The following HECW2 variants were observed in gnomAD, a reference collection of about 807,000 sequenced individuals.
HECW2 encodes E3 ubiquitin-protein ligase HECW2.
In HECW2, 61 loss-of-function variants were observed where a neutral mutation model predicts 175.2. The ratio of observed to expected loss-of-function variants is 0.35; its 90% CI spans 0.28 to 0.43. The LOEUF (loss-of-function observed/expected upper bound fraction) is 0.43, where lower values mean the gene tolerates loss of function less well. Among genes scored for constraint, HECW2 ranks in the 20% least tolerant of loss-of-function variants. HECW2 has a pLI of 1.00. For missense variants in HECW2, 1,524 were observed against 2,000.5 expected, an observed-to-expected ratio of 0.76 and a Z score of 4.54; for synonymous variants, 671 against 731.0, an observed-to-expected ratio of 0.92 and a Z score of 1.32.
In HECW2 at chr2:196,393,540, GAC is replaced by G. The variant is rs1694574208; in HGVS notation, c.292+39590_292+39591del. Among the ~76,000 whole-genome samples the G allele has an allele frequency of 2.6e-5, 4 of 152,164 alleles. No individual in the cohort carries two copies. The South Asian group carries it at 8.3e-4, about 32-fold the overall frequency. The stretch of plus-strand genomic sequence containing the variant: ...AAAGAAGACATTTATGAAGCCAACA[GAC>G]ACACGAAAAAATGCTCATCATCACT... On this transcript the variant is annotated intron_variant, in intron 2 of 28. Coordinates refer to ENST00000644978, the MANE Select transcript of HECW2 (RefSeq NM_001348768.2).
At chr2:196,357,498 CT>C (rs1446044467) in intron 2 of HECW2, among the ~76,000 whole-genome samples, 1 of 152,196 alleles carries the variant, frequency 6.6e-6, no homozygotes, top group Non-Finnish European at 1.5e-5. Flanking sequence ...ATATAAAGCT[CT>C]GATTGTCCAT....
chr2:196,228,299 T>C, intron 21 of HECW2, 45 bp from the exon 22 acceptor site: 1 of 1,558,842 alleles, frequency 6.4e-7, no homozygotes, highest in East Asian at 2.3e-5. Context: ...ACTTTTTTTC[T>C]AGATATTGGG....
chr2:196,302,598 C>A (rs1001684348), intron 13 of HECW2, among the ~76,000 whole-genome samples: 1 of 152,074 alleles, frequency 6.6e-6, no homozygotes, highest in Non-Finnish European at 1.5e-5. Context: ...TCTTTTTGAG[C>A]AGTGGTTTGT....
chr2:196,390,512 T>C (rs1026403849), intron 2 of HECW2, among the ~76,000 whole-genome samples: 1 of 152,216 alleles, frequency 6.6e-6, no homozygotes, highest in Non-Finnish European at 1.5e-5. Context: ...ACACACTAGG[T>C]GACCCTAGGT....
At chr2:196,460,556 C>CT (rs1559123307) in intron 1 of HECW2, among the ~76,000 whole-genome samples, 1 of 148,746 alleles carries the variant, frequency 6.7e-6, no homozygotes, top group Admixed American at 6.8e-5. Flanking sequence ...TAATTTCTGT[C>CT]TAATTTTTTG....
intron 2 of HECW2, among the ~76,000 whole-genome samples, chr2:196,356,238 C>T (rs1022684318): frequency 2.0e-5 from 3 of 152,164 alleles, no homozygotes; most frequent in Non-Finnish European, 4.4e-5. Context: ...AGGGTAGGAA[C>T]TATTATCTAT....
chr2:196,497,265 C>T (rs979068914), intron 1 of HECW2, among the ~76,000 whole-genome samples: 4 of 152,112 alleles, frequency 2.6e-5, no homozygotes, highest in South Asian at 2.1e-4. Flanking sequence ...TTAGTTTGTA[C>T]GACTTTGATT....
chr2:196,540,656 G>A (rs1689178926), intron 1 of HECW2, among the ~76,000 whole-genome samples: 1 of 152,056 alleles, frequency 6.6e-6, no homozygotes, highest in African/African-American at 2.4e-5. Context: ...TGTTGCCCAG[G>A]CTGGTCTTGA....
Position 196,319,042 on chromosome 2 carries a change from G to A in HECW2, c.1848C>T (p.Pro616=). 6.2e-7 allele frequency: 1 copy of A among 1,613,766 alleles called. No homozygotes were observed. Among genetic ancestry groups the A allele is most frequent in the Non-Finnish European group, 8.5e-7 (1 of 1,179,886 alleles). The change falls in exon 9 of 29, where the codon CCC becomes CCT. Residue 616 remains proline, a synonymous_variant. Coordinates refer to ENST00000644978, the MANE Select transcript of HECW2 (RefSeq NM_001348768.2). ...EPSQVSSETE[P]SDPARTESVS... ...CACTCTCTGTCCTGGCAGGATCACT[G>A]GGTTCTGTTTCAGAGGACACCTGGG...
intron 6 of HECW2, among the ~76,000 whole-genome samples, chr2:196,322,963 A>G (rs1692003880): frequency 6.6e-6 from 1 of 152,248 alleles, no homozygotes; most frequent in South Asian, 2.1e-4. Flanking sequence ...CAATTCTTTG[A>G]TATTTAATAT....
chr2:196,318,892 T>A lies in HECW2; in HGVS notation c.1998A>T (p.Ala666=). ...VDTRCSSLES[A]RFPETPAFSS... ...AAAAGGCTGGGGTTTCAGGAAACCG[T>A]GCGCTCTCAAGAGAGGAGCACCGTG... is the stretch of plus-strand genomic sequence containing the variant. Residue 666 remains alanine, a synonymous_variant, in exon 9 of 29, where the codon GCA becomes GCT. Transcript: ENST00000644978. 6.4e-7 allele frequency: 1 copy of A among 1,563,594 alleles called. No individual in the cohort carries two copies. The highest frequency in any genetic ancestry group is 2.3e-5 in the East Asian group (1 of 44,436).
At chr2:196,412,176 G>C (rs115355005) in intron 2 of HECW2, among the ~76,000 whole-genome samples, 1 of 152,172 alleles carries the variant, frequency 6.6e-6, no homozygotes, top group Non-Finnish European at 1.5e-5. Context: ...TTAAACAACA[G>C]AATGTTAAAG....
intron 1 of HECW2, among the ~76,000 whole-genome samples, chr2:196,437,315 A>C (rs1429417913): frequency 6.6e-6 from 1 of 152,096 alleles, no homozygotes; most frequent in Non-Finnish European, 1.5e-5. Context: ...AATCCTGCAA[A>C]AGAAACCATG....
At chr2:196,456,929 G>A (rs1359769361) in intron 1 of HECW2, among the ~76,000 whole-genome samples, 2 of 152,068 alleles carry the variant, frequency 1.3e-5, no homozygotes, top group Non-Finnish European at 2.9e-5. Context: ...ACACATGTGT[G>A]AACTATTCAT....
At chr2:196,246,941 G>A (rs1269378151) in intron 19 of HECW2, among the ~76,000 whole-genome samples, 1 of 152,108 alleles carries the variant, frequency 6.6e-6, no homozygotes, top group East Asian at 1.9e-4. Context: ...CATGAAAGAA[G>A]TCATTTACAC....
At chr2:196,274,946 G>GA (rs1439291220) in intron 15 of HECW2, among the ~76,000 whole-genome samples, 1 of 152,142 alleles carries the variant, frequency 6.6e-6, no homozygotes, top group Non-Finnish European at 1.5e-5. Flanking sequence ...GAGAGAATAA[G>GA]AAAAAATAAC....
intron 1 of HECW2, among the ~76,000 whole-genome samples, chr2:196,447,066 C>T (rs1054414052): frequency 2.6e-5 from 4 of 152,110 alleles, no homozygotes; most frequent in Non-Finnish European, 4.4e-5. Flanking sequence ...GAATATGCAA[C>T]ATGTGAATAA....
At chr2:196,517,721 A>G (rs1427775621) in intron 1 of HECW2, among the ~76,000 whole-genome samples, 4 of 152,228 alleles carry the variant, frequency 2.6e-5, no homozygotes, top group Non-Finnish European at 5.9e-5. Flanking sequence ...AAATAGAACA[A>G]AAATATCAGA....
chr2:196,574,388 C>G (rs1395273392), intron 1 of HECW2, among the ~76,000 whole-genome samples: 2 of 151,856 alleles, frequency 1.3e-5, no homozygotes, highest in African/African-American at 2.4e-5. Flanking sequence ...AGAGATAGCA[C>G]CACTGCACTC....
Sources: gnomAD v4.1 joint callset for allele counts (sites outside exome capture counted in the v4.1 genomes callset) on GRCh38, gnomAD v4.1.1 for gene constraint, MANE v1.5 for transcripts, NCBI Gene and HGNC (gene_info 2026-07-23, HGNC 2026-07-21) for gene names.